The following TBC1D5 variants were observed in gnomAD, a reference collection of about 807,000 sequenced individuals.
The protein encoded by TBC1D5 is TBC1 domain family member 5.
Under a neutral mutation model 100.3 loss-of-function variants are expected in TBC1D5, and 75 were observed. The observed-to-expected ratio is 0.75, with a 90% CI of 0.62 to 0.91. TBC1D5 has a LOEUF of 0.91. TBC1D5 is among the 40% of genes least tolerant of loss of function. The pLI, the probability that TBC1D5 is intolerant of heterozygous loss-of-function variation, is 0.00. For missense variants in TBC1D5, 910 were observed against 942.4 expected (o/e 0.97, Z 0.45); for synonymous variants, 323 against 325.6 (o/e 0.99, Z 0.09).
At chr3:17,602,765 G>C (rs2061062552) in intron 2 of TBC1D5, among the ~76,000 whole-genome samples, 1 of 151,676 alleles carries the variant, frequency 6.6e-6, no homozygotes, top group Non-Finnish European at 1.5e-5. Context: ...AGTAGGGACA[G>C]GGTTTCACCT....
chr3:17,611,928 G>A (rs1298666092), intron 2 of TBC1D5, among the ~76,000 whole-genome samples: 2 of 151,866 alleles, frequency 1.3e-5, no homozygotes, highest in African/African-American at 4.9e-5. Flanking sequence ...AACAATGCAA[G>A]GATGCCCAAT....
chr3:17,270,281 T>C (rs1247072990), intron 15 of TBC1D5, among the ~76,000 whole-genome samples: 1 of 152,136 alleles, frequency 6.6e-6, no homozygotes. Flanking sequence ...TGTTGGACAC[T>C]TGTATGTTTT....
At chr3:17,398,185 T>C (rs1006518504) in intron 8 of TBC1D5, among the ~76,000 whole-genome samples, 1 of 152,290 alleles carries the variant, frequency 6.6e-6, no homozygotes, top group South Asian at 2.1e-4. Context: ...ATTAGAATGC[T>C]GTAAATGGAA....
chr3:17,674,492 T>C (rs558411109), intron 1 of TBC1D5, among the ~76,000 whole-genome samples: 1 of 152,304 alleles, frequency 6.6e-6, no homozygotes, highest in Non-Finnish European at 1.5e-5. Flanking sequence ...TATTGATGTT[T>C]TTCTATCTGA....
intron 4 of TBC1D5, among the ~76,000 whole-genome samples, chr3:17,412,574 TA>T (rs1054890727): frequency 7.9e-5 from 12 of 151,960 alleles, no homozygotes; most frequent in East Asian, 1.9e-4. Context: ...CAGTTTAATT[TA>T]AAAAAAAGTA....
intron 13 of TBC1D5, among the ~76,000 whole-genome samples, chr3:17,317,685 T>G (rs1339294718): frequency 2.6e-5 from 4 of 152,170 alleles, no homozygotes; most frequent in African/African-American, 7.2e-5. Flanking sequence ...AGATCACAAC[T>G]CAATGTTTTA....
At chr3:17,621,358 G>A (rs1274500328) in intron 2 of TBC1D5, among the ~76,000 whole-genome samples, 1 of 152,178 alleles carries the variant, frequency 6.6e-6, no homozygotes, top group African/African-American at 2.4e-5. Context: ...CCAAGATCTT[G>A]TTCGCTAATA....
At chr3:17,616,074 T>G (rs879418643) in intron 2 of TBC1D5, among the ~76,000 whole-genome samples, 1 of 152,226 alleles carries the variant, frequency 6.6e-6, no homozygotes, top group Non-Finnish European at 1.5e-5. Context: ...TCCCAGAGAT[T>G]CTGGTACGTT....
At chr3:17,255,762 G>A (rs912928824) in intron 16 of TBC1D5, among the ~76,000 whole-genome samples, 2 of 152,126 alleles carry the variant, frequency 1.3e-5, no homozygotes, top group Non-Finnish European at 1.5e-5. Context: ...ATTTAGGCCG[G>A]GCGCAGTGGC....
At chr3:17,458,674 T>C (rs965474890) in intron 3 of TBC1D5, among the ~76,000 whole-genome samples, 14 of 152,208 alleles carry the variant, frequency 9.2e-5, no homozygotes, top group African/African-American at 3.4e-4. Context: ...TCCATGGGTC[T>C]GAAATTTCAG....
intron 1 of TBC1D5, among the ~76,000 whole-genome samples, chr3:17,735,820 G>A (rs2153996409): frequency 6.6e-6 from 1 of 152,332 alleles, no homozygotes; most frequent in Non-Finnish European, 1.5e-5. Context: ...ACAGCAAACA[G>A]CAGTGGTGGA....
At chr3:17,717,594 C>T (rs952149188) in intron 1 of TBC1D5, among the ~76,000 whole-genome samples, 7 of 152,190 alleles carry the variant, frequency 4.6e-5, no homozygotes, top group African/African-American at 1.7e-4. Context: ...AGTCTTGTTA[C>T]ACATGTTCCT....
chr3:17,528,036 C>A (rs1164545213), intron 2 of TBC1D5, among the ~76,000 whole-genome samples: 2 of 147,318 alleles, frequency 1.4e-5, no homozygotes, highest in African/African-American at 4.9e-5. Context: ...ATCCCCAATG[C>A]AACAGTATTA....
chr3:17,658,002 T>C (rs1462377742), intron 1 of TBC1D5, among the ~76,000 whole-genome samples: 2 of 152,240 alleles, frequency 1.3e-5, no homozygotes, highest in Non-Finnish European at 2.9e-5. Context: ...TCCTTTTCTA[T>C]GTTTAGATAA....
chr3:17,509,744 G>A (rs1210234765), intron 2 of TBC1D5, among the ~76,000 whole-genome samples: 2 of 151,818 alleles, frequency 1.3e-5, no homozygotes, highest in Non-Finnish European at 2.9e-5. Flanking sequence ...TTGTGACATA[G>A]GTAACTTTTT....
intron 2 of TBC1D5, among the ~76,000 whole-genome samples, chr3:17,577,309 C>T (rs908714203): frequency 2.0e-5 from 3 of 152,014 alleles, no homozygotes; most frequent in African/African-American, 7.2e-5. Context: ...TATCAATTTA[C>T]ATCTTAGTAC....
chr3:17,705,884 G>A (rs2074073633), intron 1 of TBC1D5, among the ~76,000 whole-genome samples: 1 of 152,072 alleles, frequency 6.6e-6, no homozygotes, highest in Non-Finnish European at 1.5e-5. Flanking sequence ...CACTTTGGGA[G>A]GCCAAGGCAG....
chr3:17,189,902 T>C (rs986542014), intron 18 of TBC1D5, among the ~76,000 whole-genome samples: 2 of 152,350 alleles, frequency 1.3e-5, no homozygotes, highest in East Asian at 3.9e-4. Context: ...ATTGGCTGTA[T>C]TGTTTTGTTG....
intron 1 of TBC1D5, among the ~76,000 whole-genome samples, chr3:17,635,629 G>A (rs1422552487): frequency 2.0e-5 from 3 of 151,976 alleles, no homozygotes; most frequent in Non-Finnish European, 4.4e-5. Flanking sequence ...GCAGTGAGCC[G>A]AAATCATGCC....
Sources: allele counts gnomAD v4.1 joint callset (sites outside exome capture counted in the v4.1 genomes callset), GRCh38; gene constraint gnomAD v4.1.1; transcripts MANE v1.5; gene names NCBI Gene and HGNC (gene_info 2026-07-23, HGNC 2026-07-21).